The following ABCC4 variants were observed in gnomAD, a reference collection of about 807,000 sequenced individuals.
ABCC4 encodes ATP binding cassette subfamily C member 4 (PEL blood group), also known as ATP-binding cassette sub-family C member 4.
In ABCC4, 102 loss-of-function variants were observed where a neutral mutation model predicts 168.5. That is an observed-to-expected ratio of 0.61 (90% confidence interval 0.52 to 0.71). ABCC4 has a LOEUF of 0.71. ABCC4 is among the 30% of genes least tolerant of loss of function. The pLI is 0.00. For missense variants in ABCC4, 1,402 were observed against 1,605.8 expected (o/e 0.87, Z 2.17); for synonymous variants, 617 against 590.7 (o/e 1.04, Z -0.65).
In ABCC4 at chr13:95,064,101, A is replaced by G. The variant is rs183699673; in HGVS notation, c.3211-1242T>C. ...TCCACAAGGAATTTTATCTTTAAAG[A>G]GATACATGTACAAAATATAAAAATG... is the stretch of plus-strand genomic sequence containing the variant. On this transcript the variant is annotated intron_variant, in intron 25 of 30. Transcript: ENST00000645237. Among the ~76,000 whole-genome samples, 80 of 152,194 alleles carry G rather than the reference A, an allele frequency of 5.3e-4. 1 individual carries two copies. The highest frequency in any genetic ancestry group is 7.4e-5 in the Non-Finnish European group (5 of 68,004).
chr13:95,129,610 T>C (rs946660073), intron 19 of ABCC4, among the ~76,000 whole-genome samples: 1 of 152,208 alleles, frequency 6.6e-6, no homozygotes, highest in Non-Finnish European at 1.5e-5. Flanking sequence ...AAATGGATAG[T>C]ATTTCTCTTA....
intron 3 of ABCC4, among the ~76,000 whole-genome samples, chr13:95,240,827 T>G (rs1357223772): frequency 6.6e-6 from 1 of 151,302 alleles, no homozygotes; most frequent in Non-Finnish European, 1.5e-5. Flanking sequence ...AAAAATTAGC[T>G]ACATGTGGTG....
chr13:95,246,914 TG>T (rs2040119986), intron 3 of ABCC4, 60 bp downstream of exon 3: 29 of 1,567,514 alleles, frequency 1.9e-5, no homozygotes, highest in Non-Finnish European at 2.5e-5. Context: ...CACCAGTCAA[TG>T]GCGAGCACAT....
intron 25 of ABCC4, among the ~76,000 whole-genome samples, chr13:95,069,546 CA>C (rs775750448): frequency 6.6e-5 from 10 of 152,040 alleles, no homozygotes; most frequent in Non-Finnish European, 1.5e-4. Context: ...CAACCGTCAC[CA>C]TCATCCATCT....
chr13:95,300,858 G>A (rs2041656979), intron 1 of ABCC4, among the ~76,000 whole-genome samples: 1 of 152,206 alleles, frequency 6.6e-6, no homozygotes, highest in African/African-American at 2.4e-5. Context: ...GCCAGCGAAG[G>A]GTGGGCGTGT....
At chr13:95,218,969 G>GAAAGAAAGAAAGAAAGAAAGAAAA (rs2039221042) in intron 4 of ABCC4, among the ~76,000 whole-genome samples, 1 of 37,386 alleles carries the variant, frequency 2.7e-5, no homozygotes, top group Non-Finnish European at 6.1e-5. Context: ...AAGAAAGAAA[G>GAAAGAAAGAAAGAAAGAAAGAAAA]AAAGAAAGAA....
chr13:95,034,465 G>T, intron 30 of ABCC4, 140 bp downstream of exon 30: 1 of 1,271,016 alleles, frequency 7.9e-7, no homozygotes, highest in Non-Finnish European at 1.1e-6. Context: ...GTGCCGTTAA[G>T]ACCCACTCAT....
At chr13:95,029,223 G>C (rs1435499242) in intron 30 of ABCC4, among the ~76,000 whole-genome samples, 6 of 23,086 alleles carry the variant, frequency 2.6e-4, no homozygotes, top group Admixed American at 5.3e-4. Context: ...TAGAGAGAGA[G>C]AGAGAGAGAG....
chr13:95,026,437 T>C (rs767513835), intron 30 of ABCC4, among the ~76,000 whole-genome samples: 16 of 151,896 alleles, frequency 1.1e-4, no homozygotes, highest in Non-Finnish European at 1.0e-4. Context: ...ATAAAACATA[T>C]ACATGATAGA....
chr13:95,124,440 C>G (rs560238362), intron 19 of ABCC4, among the ~76,000 whole-genome samples: 1 of 151,900 alleles, frequency 6.6e-6, no homozygotes, highest in African/African-American at 2.4e-5. Context: ...GCCTGCAATC[C>G]CAGCACTTGG....
At position 95,247,750 on chromosome 13, in the gene ABCC4, C is replaced by A. The variant is rs765931057; in HGVS notation, c.78G>T (p.Trp26Cys). 1 of 1,610,646 alleles carries A rather than the reference C, an allele frequency of 6.2e-7. No homozygotes were observed. Among genetic ancestry groups the A allele is most frequent in the East Asian group, 2.2e-5 (1 of 44,852 alleles). Reference protein sequence around the residue: ...ANLCSRVFFWWLNPLFKIGHK... With the variant: ...ANLCSRVFFWCLNPLFKIGHK... ...GGCCAATTTTAAACAAGGGATTGAGCCACCTGTTAACAAGAGAAAAGAGAC... is the reference window on the plus strand; with the variant it reads ...GGCCAATTTTAAACAAGGGATTGAGACACCTGTTAACAAGAGAAAAGAGAC... The change falls in exon 2 of 31, where the codon TGG becomes TGT. Residue 26 changes from tryptophan to cysteine, a missense_variant. By Grantham distance (215) the Trp-to-Cys change is radical. This residue lies in a region of ABCC4 where 317 missense variants were observed against 345.5 expected (regional missense o/e 0.92). Transcript: ENST00000645237.
At chr13:95,275,125 C>A (rs1048778451) in intron 1 of ABCC4, among the ~76,000 whole-genome samples, 20 of 152,110 alleles carry the variant, frequency 1.3e-4, no homozygotes, top group African/African-American at 4.8e-4. Context: ...ACATATAAAC[C>A]TCCACAGGAA....
At chr13:95,069,209 G>T (rs1180283343) in intron 25 of ABCC4, among the ~76,000 whole-genome samples, 1 of 152,166 alleles carries the variant, frequency 6.6e-6, no homozygotes, top group African/African-American at 2.4e-5. Flanking sequence ...GAGCTGTCGT[G>T]TGTGTTTTGT....
intron 1 of ABCC4, among the ~76,000 whole-genome samples, chr13:95,262,899 T>G (rs2040570511): frequency 6.6e-6 from 1 of 152,170 alleles, no homozygotes; most frequent in Admixed American, 6.6e-5. Flanking sequence ...CCTCCCAAAG[T>G]GCTGGATTTA....
intron 19 of ABCC4, among the ~76,000 whole-genome samples, chr13:95,157,897 CG>C (rs1446671172): frequency 2.0e-5 from 3 of 151,696 alleles, no homozygotes; most frequent in Non-Finnish European, 2.9e-5. Context: ...CGGTGAAACC[CG>C]TCTCTACTAA....
At chr13:95,208,608 C>CTTTTTTT (rs58749262) in intron 6 of ABCC4, among the ~76,000 whole-genome samples, 23 of 74,654 alleles carry the variant, frequency 3.1e-4, no homozygotes, top group East Asian at 4.8e-4. Flanking sequence ...AGCTGTATTT[C>CTTTTTTT]TTTTTTTTTT....
intron 20 of ABCC4, among the ~76,000 whole-genome samples, chr13:95,096,363 A>G (rs2034599543): frequency 1.3e-5 from 2 of 152,166 alleles, no homozygotes; most frequent in African/African-American, 4.8e-5. Context: ...CTAACATACT[A>G]TCATTTTCAG....
At chr13:95,029,984 T>TGTCTATCCATCCATCCATCCATCC (rs1354272380) in intron 30 of ABCC4, among the ~76,000 whole-genome samples, 1 of 85,646 alleles carries the variant, frequency 1.2e-5, no homozygotes, top group Admixed American at 1.6e-4. Flanking sequence ...ACTTCTTGTC[T>TGTCTATCCATCCATCCATCCATCC]ATCTATCCAT....
chr13:95,249,515 C>T lies in ABCC4; in HGVS notation c.75-1762G>A, dbSNP rs866257763. ...GGTATCCAAGTTATGTTCAGGATTC[C>T]GGAAACCTCCTGCTGATCCAAACTA... On this transcript the variant is annotated intron_variant, in intron 1 of 30. Transcript: ENST00000645237. Among the ~76,000 whole-genome samples the T allele has an allele frequency of 7.9e-5, 12 of 152,204 alleles. No individual in the cohort carries two copies. The Middle Eastern group carries it at 0.01, about 129-fold the overall frequency.
Sources: gnomAD v4.1 joint callset for allele counts (sites outside exome capture counted in the v4.1 genomes callset) on GRCh38, gnomAD v4.1.1 for gene constraint, gnomAD v4.1.1 regional missense constraint, MANE v1.5 for transcripts, NCBI Gene and HGNC (gene_info 2026-07-23, HGNC 2026-07-21) for gene names.